ZNF112: variants seen among roughly 807,000 people sequenced by gnomAD.
The protein encoded by ZNF112 is zinc finger protein 112 (Y14).
A neutral mutation model predicts 77.7 loss-of-function variants in ZNF112; 37 were observed. The ratio of observed to expected loss-of-function variants is 0.48; its 90% CI spans 0.37 to 0.63. The LOEUF (loss-of-function observed/expected upper bound fraction) is 0.63. ZNF112 is among the 20% of genes least tolerant of loss of function. The pLI, the probability that ZNF112 is intolerant of heterozygous loss-of-function variation, is 0.00. For synonymous variants in ZNF112, 333 were observed against 363.6 expected (o/e 0.92, Z 0.96); for missense variants, 950 against 1,077.4 (o/e 0.88, Z 1.66).
chr19:44,363,431 C>T (rs7258089), intron 1 of ZNF112, among the ~76,000 whole-genome samples: 8,562 of 152,250 alleles, frequency 0.056, 312 homozygotes, highest in Middle Eastern at 0.095. Context: ...CACAAATTCC[C>T]TCATGACACT....
upstream of ZNF112, among the ~76,000 whole-genome samples, chr19:44,358,912 G>A (rs527505036): frequency 3.9e-5 from 6 of 152,164 alleles, no homozygotes; most frequent in East Asian, 1.9e-4. Context: ...TAGCAGAAGC[G>A]TATAGGGGTG....
chr19:44,348,029 GC>G (rs1970627822), intron 1 of ZNF112, among the ~76,000 whole-genome samples: 1 of 151,898 alleles, frequency 6.6e-6, no homozygotes, highest in African/African-American at 2.4e-5. Flanking sequence ...ATGTTTTCTG[GC>G]CTCCATGGCT....
intron 1 of ZNF112, among the ~76,000 whole-genome samples, chr19:44,347,864 A>G (rs955795729): frequency 3.9e-5 from 6 of 152,052 alleles, no homozygotes; most frequent in African/African-American, 1.4e-4. Flanking sequence ...CCTAGTTTCC[A>G]TTTAATATCA....
At position 44,327,822 on chromosome 19, in the gene ZNF112, C is replaced by T. The variant is rs1211667478; in HGVS notation, c.2335G>A (p.Gly779Ser). Reference sequence around the variant, plus strand: ...TGAAGGCGTGAACTCTCACTGAAACCCTTTGTACACACCTCACATTTGTAT... The same window carrying T: ...TGAAGGCGTGAACTCTCACTGAAACTCTTTGTACACACCTCACATTTGTAT... ...KPYKCEVCTKGFSESSRLQAH... is the reference protein window; with the variant it reads ...KPYKCEVCTKSFSESSRLQAH... The change falls in exon 4 of 4, where the codon GGT (glycine) becomes AGT (serine). Residue 779 changes from glycine to serine, a missense_variant. By Grantham distance (56) the Gly-to-Ser change is moderately conservative. This residue lies in a region of ZNF112 where 373 missense variants were observed against 482.8 expected (regional missense o/e 0.77). Transcript: ENST00000354340. 1 of 1,613,834 alleles carries T rather than the reference C, an allele frequency of 6.2e-7. No homozygotes were observed. The highest frequency in any genetic ancestry group is 2.2e-5 in the East Asian group (1 of 44,896).
rs1430898694 is a variant in ZNF112 at position 44,326,808 on chromosome 19, A to G, written c.*625T>C. The G allele has an allele frequency of 1.3e-5, 2 of 153,056 alleles. No homozygotes were observed. The highest frequency in any genetic ancestry group is 4.8e-5 in the African/African-American group (2 of 41,460). 9.5% of individuals were successfully genotyped at this position (153,056 alleles called of 1,614,324 possible). A position where few individuals can be genotyped will look rare whatever the true frequency, so the allele number is the denominator to read the frequency against. On this transcript the variant is annotated 3_prime_UTR_variant, in exon 4 of 4. Transcript: ENST00000354340. ...TCAGCAGATGGTATAATGTATAGAG[A>G]CCAAACGTTAAGAAATGCAGCACAT...
intron 1 of ZNF112, among the ~76,000 whole-genome samples, chr19:44,344,450 G>C (rs185539884): frequency 6.6e-5 from 10 of 152,238 alleles, no homozygotes; most frequent in Admixed American, 3.9e-4. Flanking sequence ...TCAAAGAGAG[G>C]TGCACTACTC....
chr19:44,365,930 G>A (rs530318121), intron 1 of ZNF112, among the ~76,000 whole-genome samples: 2 of 152,278 alleles, frequency 1.3e-5, no homozygotes, highest in East Asian at 3.9e-4. Flanking sequence ...AGATTAACAG[G>A]AGAAAAGCAT....
chr19:44,337,965 C>A (rs2123168018), intron 2 of ZNF112, among the ~76,000 whole-genome samples: 2 of 122,096 alleles, frequency 1.6e-5, no homozygotes, highest in South Asian at 3.2e-4. Context: ...CATTAAATAC[C>A]ATTCCCCAGT....
Position 44,327,501 on chromosome 19 carries a change from C to A in ZNF112, c.2656G>T (p.Glu886Ter), listed in dbSNP as rs1378124891. The A allele has an allele frequency of 6.2e-7, 1 of 1,613,844 alleles. No homozygotes were observed. Among genetic ancestry groups the A allele is most frequent in the South Asian group, 1.1e-5 (1 of 91,068 alleles). Residue 886 changes from glutamate to a stop codon, truncating the protein, a stop_gained, in exon 4 of 4, where the codon GAA (glutamate) becomes TAA (stop). Transcript: ENST00000354340. LOFTEE classifies it high-confidence loss of function. ...GAAGGGTAGTCCTTACCATAGTCTTCGCTTTTATAGAATTTATCACTACTA... is the reference window on the plus strand; with the variant it reads ...GAAGGGTAGTCCTTACCATAGTCTTAGCTTTTATAGAATTTATCACTACTA... ...VHSSDKFYKS[E>*]DYGKDYPSSE...
chr19:44,328,614 C>A lies in ZNF112; in HGVS notation c.1543G>T (p.Gly515Ter). ...KLKDHQRVHT[G>*]QKPYKCNICG... is the part of the protein sequence containing the mutation. ...ATATTGCATTTGTATGGCTTCTGTC[C>A]AGTGTGGACTCTCTGATGATCTTTA... Residue 515 changes from glycine to a stop codon, truncating the protein, a stop_gained, in exon 4 of 4, where the codon GGA becomes TGA. Transcript: ENST00000354340. LOFTEE classifies it high-confidence loss of function. 1 of 1,613,982 alleles carries A rather than the reference C, an allele frequency of 6.2e-7. No individual in the cohort carries two copies. Among genetic ancestry groups the A allele is most frequent in the Non-Finnish European group, 8.5e-7 (1 of 1,179,974 alleles).
At chr19:44,357,849 A>T (rs1211856457), upstream of ZNF112, among the ~76,000 whole-genome samples, 1 of 152,202 alleles carries the variant, frequency 6.6e-6, no homozygotes, top group Non-Finnish European at 1.5e-5. Context: ...AGGATGATTC[A>T]GGGAGGACGG....
Position 44,329,575 on chromosome 19 carries a change from T to A in ZNF112, c.582A>T (p.Gln194His), listed in dbSNP as rs1202787907. Reference protein sequence around the residue: ...ESHNYQCRCQQISMKNHFCKC... With the variant: ...ESHNYQCRCQHISMKNHFCKC... ...TACAGAAATGATTTTTCATGGAAAT[T>A]TGCTGACATCTACACTGATAATTAT... is the stretch of plus-strand genomic sequence containing the variant. Residue 194 changes from glutamine to histidine, a missense_variant, in exon 4 of 4, where the codon CAA becomes CAT. Gln to His is a conservative substitution (Grantham distance 24). Around this residue, in one of 3 missense-constraint regions of ZNF112, gnomAD observed 560 missense variants for 557.3 expected, o/e 1.00. Transcript: ENST00000354340. 1 of 1,609,836 alleles carries A rather than the reference T, an allele frequency of 6.2e-7. No individual in the cohort carries two copies. The highest frequency in any genetic ancestry group is 1.7e-5 in the Admixed American group (1 of 59,654).
At position 44,329,710 on chromosome 19, in the gene ZNF112, C is replaced by T. The variant is rs1269448715; in HGVS notation, c.447G>A (p.Lys149=). 2 of 1,613,934 alleles carry T rather than the reference C, an allele frequency of 1.2e-6. No individual in the cohort carries two copies. Among genetic ancestry groups the T allele is most frequent in the African/African-American group, 1.3e-5 (1 of 74,884 alleles). Reference sequence around the variant, plus strand: ...TCCCTATATGAGTGAATATATAGTTCTTATCTTCAGAAATCTGAACTGGTA... The same window carrying T: ...TCCCTATATGAGTGAATATATAGTTTTTATCTTCAGAAATCTGAACTGGTA... ...AGIPVQISED[K]NYIFTHIGNG... Residue 149 remains lysine, a synonymous_variant, in exon 4 of 4, where the codon AAG becomes AAA. Transcript: ENST00000354340.
At chr19:44,330,416 AT>A (rs1184454953) in intron 3 of ZNF112, among the ~76,000 whole-genome samples, 1 of 152,182 alleles carries the variant, frequency 6.6e-6, no homozygotes, top group Non-Finnish European at 1.5e-5. Flanking sequence ...ATCGAACATG[AT>A]GGCTGTGTTC....
In ZNF112 at chr19:44,329,733, G is replaced by T. The variant is rs764460965; in HGVS notation, c.424C>A (p.Pro142Thr). 1 of 1,614,022 alleles carries T rather than the reference G, an allele frequency of 6.2e-7. No individual in the cohort carries two copies. The highest frequency in any genetic ancestry group is 1.7e-5 in the Admixed American group (1 of 59,998). Residue 142 changes from proline (P) to threonine (T), a missense_variant, in exon 4 of 4, where the codon CCA (proline) becomes ACA (threonine). This residue lies in a region of ZNF112 where 560 missense variants were observed against 557.3 expected (regional missense o/e 1.00). Transcript: ENST00000354340. ...TTCTTATCTTCAGAAATCTGAACTG[G>T]TATTCCTGCCCAAACCTGGCCGAGG... ...NSLGQVWAGI[P>T]VQISEDKNYI...
rs1217684425 is a variant in ZNF112, at chr19:44,329,048, C to T, written c.1109G>A (p.Ser370Asn). The T allele has an allele frequency of 6.2e-7, 1 of 1,613,816 alleles. No homozygotes were observed. Residue 370 changes from serine to asparagine, a missense_variant, in exon 4 of 4, where the codon AGT (serine) becomes AAT (asparagine). By Grantham distance (46) the Ser-to-Asn change is conservative (BLOSUM62 1). Transcript: ENST00000354340. ...KAFSHSLDLN[S>N]IFRVHTRDEP... Reference sequence around the variant, plus strand: ...ATCCCTAGTATGGACCCTAAAAATACTATTAAGGTCTAAGCTATGACTGAA... The same window carrying T: ...ATCCCTAGTATGGACCCTAAAAATATTATTAAGGTCTAAGCTATGACTGAA...
At chr19:44,364,253 G>A (rs148664617) in intron 1 of ZNF112, among the ~76,000 whole-genome samples, 5 of 152,160 alleles carry the variant, frequency 3.3e-5, no homozygotes, top group African/African-American at 1.2e-4. Flanking sequence ...TGATCTTGTA[G>A]TTGTATCTCT....
At chr19:44,353,564 T>A (rs187492705) in intron 1 of ZNF112, among the ~76,000 whole-genome samples, 1 of 151,816 alleles carries the variant, frequency 6.6e-6, no homozygotes, top group African/African-American at 2.4e-5. Flanking sequence ...TATAACCCAA[T>A]GTAAAACTGG....
chr19:44,343,384 C>T, intron 1 of ZNF112: 1 of 1,169,940 alleles, frequency 8.5e-7, no homozygotes, highest in Non-Finnish European at 1.2e-6. Context: ...AAAAAGGTGT[C>T]CCTTCCCCCA....
Sources: gnomAD v4.1 joint callset for allele counts (sites outside exome capture counted in the v4.1 genomes callset) on GRCh38, gnomAD v4.1.1 for gene constraint, gnomAD v4.1.1 regional missense constraint, MANE v1.5 for transcripts, NCBI Gene and HGNC (gene_info 2026-07-23, HGNC 2026-07-21) for gene names.